The following RP1 variants were observed in gnomAD, a reference collection of about 807,000 sequenced individuals.
RP1 encodes oxygen-regulated protein 1.
A neutral mutation model predicts 14.8 loss-of-function variants in RP1; 16 were observed. That is an observed-to-expected ratio of 1.08 (90% CI 0.73 to 1.65). RP1 has a LOEUF of 1.65. Ranked by LOEUF, RP1 falls within the 40% of genes most tolerant of loss-of-function variation. The probability of loss-of-function intolerance (pLI) is 0.00; values close to 1 mark genes in which losing one functional copy is unlikely to be tolerated. For synonymous variants in RP1, 876 were observed against 883.6 expected (o/e 0.99, Z 0.15); for missense variants, 2,631 against 2,535.0 (o/e 1.04, Z -0.81).
chr8:54,601,553 C>T (rs904704249), intron 1 of RP1, among the ~76,000 whole-genome samples: 1 of 147,306 alleles, frequency 6.8e-6, no homozygotes, highest in Non-Finnish European at 1.5e-5. Context: ...GCACATGTAT[C>T]CTAAAACTTA....
intron 23 of RP1, among the ~76,000 whole-genome samples, chr8:54,779,351 G>A (rs1217671801): frequency 6.6e-6 from 1 of 152,142 alleles, no homozygotes; most frequent in Non-Finnish European, 1.5e-5. Context: ...CAGTCACTTA[G>A]GGCAAGCAGA....
chr8:54,605,106 C>G (rs541219564), intron 1 of RP1, among the ~76,000 whole-genome samples: 1 of 151,940 alleles, frequency 6.6e-6, no homozygotes, highest in Admixed American at 6.6e-5. Context: ...GCTCTTGCTT[C>G]TCTAGTTCTT....
At chr8:54,825,496 A>T (rs966641866) in intron 24 of RP1, among the ~76,000 whole-genome samples, 12 of 152,236 alleles carry the variant, frequency 7.9e-5, no homozygotes, top group Non-Finnish European at 1.8e-4. Context: ...AAACTTTAAT[A>T]TGTGAAAAAC....
At chr8:54,739,129 A>T in intron 19 of RP1, 1 of 729,782 alleles carries the variant, frequency 1.4e-6, no homozygotes, top group Admixed American at 2.8e-5. Flanking sequence ...CTAATTACAG[A>T]TGCTCCTTGA....
intron 16 of RP1, among the ~76,000 whole-genome samples, chr8:54,720,891 G>A (rs1020537000): frequency 6.6e-6 from 1 of 152,132 alleles, no homozygotes; most frequent in Non-Finnish European, 1.5e-5. Flanking sequence ...AAATGTGTTT[G>A]AACACAAAGG....
chr8:54,729,442 C>G (rs754890981), intron 17 of RP1, among the ~76,000 whole-genome samples: 8 of 152,152 alleles, frequency 5.3e-5, no homozygotes, highest in African/African-American at 1.2e-4. Flanking sequence ...GAAAAAAAAT[C>G]TATTATTAAG....
intron 28 of RP1, chr8:54,866,027 C>A: frequency 2.4e-6 from 1 of 423,626 alleles, no homozygotes; most frequent in Non-Finnish European, 4.0e-6. Flanking sequence ...CATTCCCTCC[C>A]TGAAAACCAG....
At chr8:54,755,580 T>C (rs527656808) in intron 20 of RP1, 9 of 1,531,870 alleles carry the variant, frequency 5.9e-6, no homozygotes, top group South Asian at 1.2e-5. Context: ...TTCAAGGTAA[T>C]GTATTTCCTC....
downstream of RP1, chr8:54,770,054 C>G (rs1809864187): frequency 2.9e-5 from 13 of 445,496 alleles, no homozygotes; most frequent in East Asian, 4.4e-4. Context: ...ACTCACGTTT[C>G]TTCTTTTCCC....
intron 24 of RP1, among the ~76,000 whole-genome samples, chr8:54,800,129 A>C (rs769285926): frequency 5.9e-5 from 9 of 151,984 alleles, no homozygotes; most frequent in Non-Finnish European, 1.2e-4. Flanking sequence ...CTGGATTGCC[A>C]GTTTTTTTTC....
Position 54,751,664 on chromosome 8 carries a change from C to A in RP1, c.2809-3139C>A, listed in dbSNP as rs144326141. Reference sequence around the variant, plus strand: ...TCAAATCCATGTTTGTTTCACTTGCCACATGCCTTTTACTGAGTCCTGCCA... The same window carrying A: ...TCAAATCCATGTTTGTTTCACTTGCAACATGCCTTTTACTGAGTCCTGCCA... On this transcript the variant is annotated intron_variant, in intron 19 of 22. Transcript: ENST00000636932. 6.6e-5 allele frequency among the ~76,000 whole-genome samples: 10 copies of A among 152,280 alleles called. No homozygotes were observed. The East Asian group carries it at 1.9e-3, about 29-fold the overall frequency.
At chr8:54,645,062 G>A (rs1210507692) in intron 3 of RP1, among the ~76,000 whole-genome samples, 3 of 152,102 alleles carry the variant, frequency 2.0e-5, no homozygotes, top group African/African-American at 7.2e-5. Flanking sequence ...TTTAATTAGG[G>A]TCACATTTAT....
chr8:54,847,129 G>C lies in RP1; in HGVS notation c.3836-5445G>C, dbSNP rs374114207. 1.2e-4 allele frequency among the ~76,000 whole-genome samples: 19 copies of C among 152,284 alleles called. 1 individual carries two copies. In the East Asian group the frequency reaches 1.7e-3, roughly 14 times the overall value. On this transcript the variant is annotated intron_variant, in intron 25 of 28. Coordinates refer to the RP1 transcript ENST00000637698. ...CTCAGGTCAAGTCAGAGACGCCAGGGAGGGAGGGAAGGAGACAGAGGGGAG... is the reference window on the plus strand; with the variant it reads ...CTCAGGTCAAGTCAGAGACGCCAGGCAGGGAGGGAAGGAGACAGAGGGGAG...
intron 24 of RP1, among the ~76,000 whole-genome samples, chr8:54,832,966 A>C (rs550581053): frequency 6.6e-6 from 1 of 152,148 alleles, no homozygotes; most frequent in Non-Finnish European, 1.5e-5. Context: ...GTCTTTTTCT[A>C]AAGTCACTTG....
rs190363829 is a variant in RP1 at position 54,725,262 on chromosome 8, A to C, written c.2390-1083A>C. ...TACAATTATTTATTTATTCTCCATG[A>C]ACATATTTCTAGTTATTTCTATCTT... On this transcript the variant is annotated intron_variant, in intron 16 of 22. Coordinates refer to the RP1 transcript ENST00000636932. Among the ~76,000 whole-genome samples the C allele has an allele frequency of 7.1e-3, 1,076 of 152,272 alleles. 3 individuals carry two copies. Among genetic ancestry groups the C allele is most frequent in the Non-Finnish European group, 0.012 (826 of 68,002 alleles).
intron 19 of RP1, among the ~76,000 whole-genome samples, chr8:54,741,703 GTGTGTATATATATATATATATA>G (rs1481173238): frequency 9.1e-5 from 8 of 87,756 alleles, no homozygotes; most frequent in African/African-American, 4.8e-4. Context: ...ATACAAATGT[GTGTGTATATATATATATATATA>G]TATATATATA....
At chr8:54,773,972 A>C (rs946133560), downstream of RP1, among the ~76,000 whole-genome samples, 1 of 152,218 alleles carries the variant, frequency 6.6e-6, no homozygotes, top group African/African-American at 2.4e-5. Flanking sequence ...TTACCTATAC[A>C]TGCTTGGCTG....
intron 24 of RP1, among the ~76,000 whole-genome samples, chr8:54,791,320 T>C (rs987172876): frequency 6.6e-6 from 1 of 152,168 alleles, no homozygotes; most frequent in Non-Finnish European, 1.5e-5. Flanking sequence ...CACTTTTACC[T>C]TCCTTACAAG....
chr8:54,853,281 G>T (rs1320801218), intron 26 of RP1, among the ~76,000 whole-genome samples: 1 of 152,204 alleles, frequency 6.6e-6, no homozygotes. Context: ...TCTTGAAGCA[G>T]ATCAGGGACA....
Sources: gnomAD v4.1 joint callset for allele counts (sites outside exome capture counted in the v4.1 genomes callset) on GRCh38, gnomAD v4.1.1 for gene constraint, MANE v1.5 for transcripts, NCBI Gene and HGNC (gene_info 2026-07-23, HGNC 2026-07-21) for gene names.